Variants in FAM185A observed in about 807,000 individuals in gnomAD.
FAM185A encodes the protein protein FAM185A.
In FAM185A, 21 loss-of-function variants were observed where a neutral mutation model predicts 45.7. The ratio of observed to expected loss-of-function variants is 0.46; its 90% CI spans 0.33 to 0.66. The LOEUF is 0.66. FAM185A is among the 30% of genes least tolerant of loss of function. FAM185A has a pLI of 0.03. For synonymous variants in FAM185A, 117 were observed against 194.0 expected, an observed-to-expected ratio of 0.60 and a Z score of 3.30; for missense variants, 305 against 485.4, an observed-to-expected ratio of 0.63 and a Z score of 3.49.
chr7:102,834,738 A>G, the FAM185A span: 3 of 152,096 alleles, frequency 2.0e-5, no homozygotes, highest in Non-Finnish European at 2.9e-5. Flanking sequence ...CAAGAGATCT[A>G]TTGTATATGA....
the FAM185A span, chr7:102,827,097 G>A: frequency 2.2e-6 from 1 of 452,614 alleles, no homozygotes; most frequent in Admixed American, 2.4e-5. Flanking sequence ...CAAAGGAATG[G>A]AGCAGAAGTC....
chr7:102,843,524 T>C, the FAM185A span, among the ~76,000 whole-genome samples: 1 of 151,702 alleles, frequency 6.6e-6, no homozygotes, highest in African/African-American at 2.4e-5. Flanking sequence ...TCTGTAATCC[T>C]AGCACTTCAG....
At chr7:102,776,123 TTC>T (rs1374545867) in intron 5 of FAM185A, among the ~76,000 whole-genome samples, 1 of 62,824 alleles carries the variant, frequency 1.6e-5, no homozygotes. Flanking sequence ...CACAAATGTT[TTC>T]TCTCTCTGTT....
At chr7:102,771,472 T>C (rs1794739221) in intron 4 of FAM185A, among the ~76,000 whole-genome samples, 1 of 152,148 alleles carries the variant, frequency 6.6e-6, no homozygotes, top group African/African-American at 2.4e-5. Context: ...TATTAGACCT[T>C]CAGATGGATT....
intron 4 of FAM185A, among the ~76,000 whole-genome samples, chr7:102,764,270 C>A (rs894708754): frequency 1.3e-5 from 2 of 149,518 alleles, no homozygotes; most frequent in South Asian, 4.3e-4. Flanking sequence ...TCCATGGACA[C>A]ACCCCAGTGC....
At chr7:102,758,166 C>G (rs941621624) in intron 3 of FAM185A, among the ~76,000 whole-genome samples, 5 of 151,930 alleles carry the variant, frequency 3.3e-5, no homozygotes, top group Non-Finnish European at 7.4e-5. Flanking sequence ...AGTTCCTAGT[C>G]TGGAATCAAT....
At chr7:102,799,175 G>T (rs2908412) in intron 7 of FAM185A, among the ~76,000 whole-genome samples, 31,255 of 151,538 alleles carry the variant, frequency 0.21, 3,771 homozygotes, top group East Asian at 0.53. Flanking sequence ...TTAAATAAGC[G>T]GAACCCCTTA....
chr7:102,826,755 A>ATATATATATATG, the FAM185A span, among the ~76,000 whole-genome samples: 5 of 114,734 alleles, frequency 4.4e-5, no homozygotes, highest in Non-Finnish European at 7.0e-5. Context: ...ATATATATAT[A>ATATATATATATG]TATATATATA....
At chr7:102,771,335 C>T (rs1794731244) in intron 4 of FAM185A, among the ~76,000 whole-genome samples, 1 of 152,114 alleles carries the variant, frequency 6.6e-6, no homozygotes, top group Non-Finnish European at 1.5e-5. Context: ...CAAACCTGCA[C>T]ATGTATCCCC....
At chr7:102,831,656 G>A in the FAM185A span, among the ~76,000 whole-genome samples, 9 of 152,210 alleles carry the variant, frequency 5.9e-5, no homozygotes, top group African/African-American at 1.7e-4. Context: ...AAAGGTACAC[G>A]GTGCTCCCAA....
the FAM185A span, among the ~76,000 whole-genome samples, chr7:102,848,482 AGAGGC>A: frequency 1.4e-5 from 1 of 70,318 alleles, no homozygotes; most frequent in Non-Finnish European, 2.4e-5. Flanking sequence ...CGTGAACCCA[AGAGGC>A]GGAGCTTGCA....
At chr7:102,845,959 C>G in the FAM185A span, among the ~76,000 whole-genome samples, 203 of 152,282 alleles carry the variant, frequency 1.3e-3, no homozygotes, top group African/African-American at 3.1e-3. Flanking sequence ...TATACACTAG[C>G]TCATGTACTT....
the FAM185A span, among the ~76,000 whole-genome samples, chr7:102,850,593 CTTAAG>C: frequency 2.6e-5 from 4 of 152,130 alleles, no homozygotes; most frequent in African/African-American, 9.7e-5. Context: ...ATGTTTAACC[CTTAAG>C]TTAATTGCAG....
At chr7:102,752,274 T>A (rs577907836) in intron 2 of FAM185A, among the ~76,000 whole-genome samples, 1,295 of 53,642 alleles carry the variant, frequency 0.024, 21 homozygotes, top group African/African-American at 0.069. Flanking sequence ...GTAATTAAAA[T>A]TTTTTTTTTT....
chr7:102,830,613 C>G, the FAM185A span, among the ~76,000 whole-genome samples: 3 of 152,154 alleles, frequency 2.0e-5, no homozygotes, highest in African/African-American at 4.8e-5. Flanking sequence ...TCACGGTTTA[C>G]CACATCTTTT....
chr7:102,781,487 A>G (rs1795403364), intron 6 of FAM185A, among the ~76,000 whole-genome samples: 1 of 152,190 alleles, frequency 6.6e-6, no homozygotes, highest in Admixed American at 6.5e-5. Flanking sequence ...TCAGGCAGCA[A>G]CATCTGCTCT....
chr7:102,803,373 T>A (rs1796908619), intron 7 of FAM185A, among the ~76,000 whole-genome samples: 1 of 152,162 alleles, frequency 6.6e-6, no homozygotes, highest in Admixed American at 6.5e-5. Flanking sequence ...AGGGATGGTT[T>A]AACATATGCA....
intron 6 of FAM185A, among the ~76,000 whole-genome samples, chr7:102,786,149 T>G (rs982222610): frequency 2.0e-5 from 3 of 152,078 alleles, no homozygotes; most frequent in African/African-American, 7.2e-5. Flanking sequence ...TCACACCAGT[T>G]AGAATGGCGA....
chr7:102,801,479 A>G lies in FAM185A; in HGVS notation c.1067-6811A>G, dbSNP rs1796787138. 2.0e-5 allele frequency among the ~76,000 whole-genome samples: 3 copies of G among 152,240 alleles called. No homozygotes were observed. The South Asian group carries it at 6.2e-4, about 32-fold the overall frequency. ...ATAAGAATTCACCAACCAACTATCT[A>G]CTGCTTGAAGAGACTCACCTAACAC... On this transcript the variant is annotated intron_variant, in intron 7 of 7. Coordinates refer to ENST00000413034, the MANE Select transcript of FAM185A (RefSeq NM_001145268.2).
Sources: allele counts gnomAD v4.1 joint callset (sites outside exome capture counted in the v4.1 genomes callset), GRCh38; gene constraint gnomAD v4.1.1; transcripts MANE v1.5; gene names NCBI Gene and HGNC (gene_info 2026-07-23, HGNC 2026-07-21).